TENM4: variants seen among roughly 807,000 people sequenced by gnomAD.
TENM4 encodes teneurin transmembrane protein 4.
Under a neutral mutation model 243.3 loss-of-function variants are expected in TENM4, and 82 were observed. That is an observed-to-expected ratio of 0.34 (90% confidence interval 0.28 to 0.40). TENM4 has a LOEUF of 0.40. Ranked by LOEUF, TENM4 falls within the 10% of genes least tolerant of loss-of-function variation. The pLI is 1.00. For synonymous variants in TENM4, 1,412 were observed against 1,456.3 expected, an observed-to-expected ratio of 0.97 and a Z score of 0.69; for missense variants, 3,138 against 3,673.3, an observed-to-expected ratio of 0.85 and a Z score of 3.77.
intron 32 of TENM4, among the ~76,000 whole-genome samples, chr11:78,665,024 T>C (rs1307290427): frequency 1.3e-5 from 2 of 152,202 alleles, no homozygotes; most frequent in African/African-American, 2.4e-5. Context: ...CTTCTTACCA[T>C]ATCAGAAGTA....
chr11:78,868,076 T>TTAA (rs369234974), intron 9 of TENM4, among the ~76,000 whole-genome samples: 2 of 134,896 alleles, frequency 1.5e-5, no homozygotes, highest in Non-Finnish European at 3.1e-5. Context: ...AGCCACAGAT[T>TTAA]AAAAAAAAAA....
At chr11:78,773,348 T>C (rs944424284) in intron 17 of TENM4, among the ~76,000 whole-genome samples, 1 of 152,178 alleles carries the variant, frequency 6.6e-6, no homozygotes, top group African/African-American at 2.4e-5. Flanking sequence ...CCTCAGTCTT[T>C]TTACTTATAA....
At chr11:79,193,712 G>C (rs1318987725) in intron 3 of TENM4, among the ~76,000 whole-genome samples, 1 of 152,170 alleles carries the variant, frequency 6.6e-6, no homozygotes, top group South Asian at 2.1e-4. Flanking sequence ...CATTCTCACA[G>C]TAGGTGGGCA....
intron 15 of TENM4, among the ~76,000 whole-genome samples, chr11:78,804,969 A>G (rs758546754): frequency 2.0e-5 from 3 of 152,144 alleles, no homozygotes; most frequent in Non-Finnish European, 4.4e-5. Context: ...CACTTTCCCT[A>G]TGGCCTTGCC....
intron 3 of TENM4, among the ~76,000 whole-genome samples, chr11:79,179,380 A>C (rs529040707): frequency 2.0e-5 from 3 of 152,338 alleles, no homozygotes; most frequent in African/African-American, 7.2e-5. Context: ...ATCTGCTTTC[A>C]TACCAGAACA....
intron 1 of TENM4, among the ~76,000 whole-genome samples, chr11:79,355,623 A>G (rs1008315941): frequency 1.9e-5 from 2 of 104,806 alleles, no homozygotes; most frequent in African/African-American, 7.8e-5. Flanking sequence ...TCTTCCCATT[A>G]TACAAACTGT....
chr11:78,853,470 G>A (rs1319721618), intron 12 of TENM4, among the ~76,000 whole-genome samples: 1 of 152,186 alleles, frequency 6.6e-6, no homozygotes, highest in Non-Finnish European at 1.5e-5. Flanking sequence ...TGAACTGGGA[G>A]CTGAGGCCCT....
chr11:78,911,470 A>G (rs989284506), intron 6 of TENM4, among the ~76,000 whole-genome samples: 2 of 152,236 alleles, frequency 1.3e-5, no homozygotes, highest in African/African-American at 4.8e-5. Flanking sequence ...TGGTGAGCAC[A>G]GCAGGACACT....
intron 1 of TENM4, among the ~76,000 whole-genome samples, chr11:79,311,976 A>G (rs1856729465): frequency 6.6e-6 from 1 of 152,126 alleles, no homozygotes; most frequent in Non-Finnish European, 1.5e-5. Context: ...TGAACTGTTC[A>G]AGGCCTCCAC....
intron 18 of TENM4, among the ~76,000 whole-genome samples, chr11:78,766,574 G>A (rs1347978424): frequency 6.6e-6 from 1 of 152,102 alleles, no homozygotes; most frequent in Non-Finnish European, 1.5e-5. Context: ...GAGAGCATCA[G>A]GAGACTGGCA....
chr11:79,410,767 G>A (rs552040890), intron 1 of TENM4, among the ~76,000 whole-genome samples: 108 of 152,324 alleles, frequency 7.1e-4, no homozygotes, highest in African/African-American at 2.4e-3. Context: ...TAGGAGATGT[G>A]AAGTGCCTGG....
chr11:78,880,457 T>TAAAAGAAAAAAA (rs1859402380), intron 9 of TENM4, among the ~76,000 whole-genome samples: 1 of 104,646 alleles, frequency 9.6e-6, no homozygotes, highest in African/African-American at 6.8e-5. Flanking sequence ...CAATAAATAC[T>TAAAAGAAAAAAA]AAAAAAAAAA....
At chr11:78,813,907 G>C (rs910935554) in intron 13 of TENM4, among the ~76,000 whole-genome samples, 27 of 152,212 alleles carry the variant, frequency 1.8e-4, no homozygotes, top group African/African-American at 6.5e-4. Context: ...AGGCCAGAGA[G>C]ACATCACACT....
intron 6 of TENM4, among the ~76,000 whole-genome samples, chr11:78,941,136 A>G (rs896973967): frequency 3.3e-5 from 5 of 152,208 alleles, no homozygotes; most frequent in African/African-American, 1.2e-4. Flanking sequence ...TGTCAGCTCT[A>G]GCACCGGATC....
At chr11:78,973,860 C>A (rs1177118171) in intron 6 of TENM4, among the ~76,000 whole-genome samples, 1 of 151,806 alleles carries the variant, frequency 6.6e-6, no homozygotes, top group Non-Finnish European at 1.5e-5. Context: ...GGGAAGCCCT[C>A]CCTGAGGAGG....
chr11:78,908,293 T>G (rs1178454224), intron 6 of TENM4, among the ~76,000 whole-genome samples: 1 of 152,190 alleles, frequency 6.6e-6, no homozygotes, highest in Admixed American at 6.5e-5. Flanking sequence ...TATCACTAAA[T>G]GGAAATAACG....
intron 2 of TENM4, among the ~76,000 whole-genome samples, chr11:79,249,333 G>T (rs1855571090): frequency 1.3e-5 from 2 of 152,144 alleles, no homozygotes; most frequent in Admixed American, 1.3e-4. Context: ...GCCGAGATTT[G>T]AACATAGGTC....
chr11:79,007,269 A>G (rs2136732700), intron 6 of TENM4, among the ~76,000 whole-genome samples: 1 of 152,328 alleles, frequency 6.6e-6, no homozygotes, highest in South Asian at 2.1e-4. Flanking sequence ...CTGTGATAAT[A>G]TTTTAATAAA....
chr11:78,730,051 A>C (rs565688591), intron 21 of TENM4, among the ~76,000 whole-genome samples: 22 of 152,360 alleles, frequency 1.4e-4, no homozygotes, highest in Admixed American at 5.2e-4. Flanking sequence ...TAAAATACTT[A>C]GATCACATTG....
Sources: gnomAD v4.1 joint callset for allele counts (sites outside exome capture counted in the v4.1 genomes callset) on GRCh38, gnomAD v4.1.1 for gene constraint, MANE v1.5 for transcripts, NCBI Gene and HGNC (gene_info 2026-07-23, HGNC 2026-07-21) for gene names.